DUS2: variants seen among roughly 807,000 people sequenced by gnomAD.
DUS2 encodes the protein dihydrouridine synthase 2, also known as tRNA-dihydrouridine(20) synthase [NAD(P)+]-like.
Under a neutral mutation model 71.3 loss-of-function variants are expected in DUS2, and 52 were observed. The observed-to-expected ratio is 0.73, with a 90% CI of 0.58 to 0.92. The LOEUF is 0.92. Among genes scored for constraint, DUS2 ranks in the 40% least tolerant of loss-of-function variants. The pLI, the probability that DUS2 is intolerant of heterozygous loss-of-function variation, is 0.00. For synonymous variants in DUS2, 204 were observed against 227.8 expected (o/e 0.90, Z 0.94); for missense variants, 558 against 622.6 (o/e 0.90, Z 1.10).
chr16:68,054,755 T>A, intron 6 of DUS2, 138 bp downstream of exon 6: 1 of 1,077,420 alleles, frequency 9.3e-7, no homozygotes, highest in Non-Finnish European at 1.4e-6. Flanking sequence ...TAAGAGTGCC[T>A]GGTTTCCAGC....
chr16:68,078,292 G>A, intron 15 of DUS2, 153 bp from the exon 16 acceptor site: 1 of 701,186 alleles, frequency 1.4e-6, no homozygotes, highest in Non-Finnish European at 2.5e-6. Context: ...TCTCCACTGG[G>A]CACTTTTGCT....
intron 2 of DUS2, among the ~76,000 whole-genome samples, chr16:68,037,662 G>T (rs953022653): frequency 6.6e-6 from 1 of 151,804 alleles, no homozygotes; most frequent in African/African-American, 2.4e-5. Context: ...CAGGTGATCC[G>T]CCTGCCTCGG....
At chr16:68,062,551 C>G (rs962453664) in intron 8 of DUS2, among the ~76,000 whole-genome samples, 4 of 151,514 alleles carry the variant, frequency 2.6e-5, no homozygotes, top group African/African-American at 9.7e-5. Context: ...AACCCAGTCT[C>G]TACTAAAAAT....
At chr16:68,075,317 G>A (rs778551225) in intron 13 of DUS2, 38 bp from the exon 14 acceptor site, 57 of 1,528,748 alleles carry the variant, frequency 3.7e-5, no homozygotes, top group African/African-American at 8.3e-5. Context: ...TGCTGGCTCC[G>A]CTAAAGTGTT....
intron 3 of DUS2, among the ~76,000 whole-genome samples, chr16:68,038,866 T>C (rs1314362184): frequency 6.6e-6 from 1 of 151,286 alleles, no homozygotes; most frequent in Non-Finnish European, 1.5e-5. Flanking sequence ...CTGGGCAATA[T>C]AGTGAGACTC....
chr16:68,051,373 A>C (rs1370533209), intron 4 of DUS2, among the ~76,000 whole-genome samples: 1 of 152,062 alleles, frequency 6.6e-6, no homozygotes, highest in African/African-American at 2.4e-5. Context: ...ACTTTGTTTT[A>C]TGTGTGTTTC....
At chr16:68,043,412 G>GA (rs796692363) in intron 3 of DUS2, among the ~76,000 whole-genome samples, 238 of 135,114 alleles carry the variant, frequency 1.8e-3, no homozygotes, top group Middle Eastern at 3.9e-3. Context: ...GTCTCAGGGA[G>GA]AAAAAAAAAA....
chr16:68,037,729 A>G (rs2033554106), intron 2 of DUS2, among the ~76,000 whole-genome samples: 1 of 151,940 alleles, frequency 6.6e-6, no homozygotes, highest in Non-Finnish European at 1.5e-5. Context: ...GTAAAACTCC[A>G]TCTTTACTAA....
chr16:68,078,370 T>C, intron 15 of DUS2, 75 bp from the exon 16 acceptor site: 3 of 1,401,120 alleles, frequency 2.1e-6, no homozygotes, highest in Admixed American at 3.4e-5. Flanking sequence ...TTTATCTGCC[T>C]TTGATTTGAC....
Position 68,074,064 on chromosome 16 carries a change from A to AC in DUS2, c.843dup (p.Lys282GlnfsTer31), listed in dbSNP as rs778186362. The stretch of plus-strand genomic sequence containing the variant: ...GCAGTATGACAACCACTACACCAAC[A>AC]CCAAGTACTGCTTGTGCCAGATGCT... On this transcript the variant is annotated frameshift_variant, in exon 13 of 17. Transcript: ENST00000565263. LOFTEE classifies it high-confidence loss of function. The AC allele has an allele frequency of 6.2e-7, 1 of 1,614,144 alleles. No homozygotes were observed. Among genetic ancestry groups the AC allele is most frequent in the Admixed American group, 1.7e-5 (1 of 60,030 alleles).
In DUS2 at chr16:68,074,067, A is replaced by G; in HGVS notation, c.844A>G (p.Lys282Glu). ...VQYDNHYTNT[K>E]YCLCQMLREQ... ...GTATGACAACCACTACACCAACACC[A>G]AGTACTGCTTGTGCCAGATGCTACG... Residue 282 changes from lysine (K) to glutamate (E), a missense_variant, in exon 13 of 17, where the codon AAG (lysine) becomes GAG (glutamate). Transcript: ENST00000565263. 6.2e-7 allele frequency: 1 copy of G among 1,614,168 alleles called. No homozygotes were observed. The highest frequency in any genetic ancestry group is 8.5e-7 in the Non-Finnish European group (1 of 1,179,994).
chr16:68,031,880 A>G (rs559393383), intron 2 of DUS2, among the ~76,000 whole-genome samples: 2 of 151,920 alleles, frequency 1.3e-5, no homozygotes, highest in African/African-American at 4.8e-5. Flanking sequence ...TTTTTAGTAG[A>G]GACAGGGTTT....
At chr16:68,077,323 CA>C (rs1406061918) in intron 15 of DUS2, 1 of 152,172 alleles carries the variant, frequency 6.6e-6, no homozygotes. Context: ...CCTCCTTCCT[CA>C]GCCTCCCAAA....
chr16:68,065,298 G>A (rs910362439), intron 8 of DUS2, among the ~76,000 whole-genome samples: 1 of 151,420 alleles, frequency 6.6e-6, no homozygotes, highest in African/African-American at 2.4e-5. Context: ...GAGCCTTCCT[G>A]TTCCCTCACC....
chr16:68,032,955 C>T (rs962844614), intron 2 of DUS2, among the ~76,000 whole-genome samples: 5 of 147,026 alleles, frequency 3.4e-5, no homozygotes, highest in Non-Finnish European at 7.5e-5. Context: ...TGGCCAGGGC[C>T]GAGAGGGAGG....
At chr16:68,049,447 C>A in intron 3 of DUS2, 58 bp from the exon 4 acceptor site, 1 of 1,583,662 alleles carries the variant, frequency 6.3e-7, no homozygotes, top group South Asian at 1.1e-5. Context: ...GATGAAAATC[C>A]TTCATGCCCA....
intron 11 of DUS2, 38 bp from the exon 12 acceptor site, chr16:68,070,902 G>T: frequency 6.2e-7 from 1 of 1,603,460 alleles, no homozygotes; most frequent in Non-Finnish European, 8.5e-7. Context: ...GATAGGTTCC[G>T]TGATGGGGAC....
rs1186721726 is a variant in DUS2 at position 68,079,088 on chromosome 16, C to T, written c.*102C>T. The T allele has an allele frequency of 1.8e-6, 2 of 1,142,106 alleles. No individual in the cohort carries two copies. The highest frequency in any genetic ancestry group is 2.4e-6 in the Non-Finnish European group (2 of 822,838). The allele number at this position is 1,142,106 out of a possible 1,614,324, so 70.7% of individuals were successfully genotyped here. On this transcript the variant is annotated 3_prime_UTR_variant, in exon 17 of 17. Coordinates refer to ENST00000565263, the MANE Select transcript of DUS2 (RefSeq NM_017803.5). ...GCCGTTGAACAGTTTGCTGGTCTTG[C>T]CTGGCAGAAGTTAGATGTCCTGGCA...
chr16:68,059,722 A>G (rs1348241743), intron 7 of DUS2, among the ~76,000 whole-genome samples: 4 of 152,192 alleles, frequency 2.6e-5, no homozygotes, highest in South Asian at 2.1e-4. Flanking sequence ...TTAGTATGTA[A>G]TCTTTATACT....
Sources: allele counts gnomAD v4.1 joint callset (sites outside exome capture counted in the v4.1 genomes callset), GRCh38; gene constraint gnomAD v4.1.1; transcripts MANE v1.5; gene names NCBI Gene and HGNC (gene_info 2026-07-23, HGNC 2026-07-21).